TNIK: variants seen among roughly 807,000 people sequenced by gnomAD.
TNIK encodes TRAF2 and NCK-interacting protein kinase.
A neutral mutation model predicts 191.3 loss-of-function variants in TNIK; 49 were observed. The observed-to-expected ratio is 0.26, with a 90% CI of 0.20 to 0.32. TNIK has a LOEUF of 0.32. Among genes scored for constraint, TNIK ranks in the 10% least tolerant of loss-of-function variants. The probability of loss-of-function intolerance (pLI) is 1.00; values close to 1 mark genes in which losing one functional copy is unlikely to be tolerated. For missense variants in TNIK, 1,155 were observed against 1,702.3 expected, an observed-to-expected ratio of 0.68 and a Z score of 5.66; for synonymous variants, 594 against 600.9, an observed-to-expected ratio of 0.99 and a Z score of 0.17.
intron 3 of TNIK, among the ~76,000 whole-genome samples, chr3:171,221,633 T>C (rs947383899): frequency 6.6e-6 from 1 of 152,134 alleles, no homozygotes; most frequent in Non-Finnish European, 1.5e-5. Context: ...GATGACTCCG[T>C]AGCACAGTGC....
chr3:171,343,040 T>G (rs1711547911), intron 2 of TNIK, among the ~76,000 whole-genome samples: 1 of 152,168 alleles, frequency 6.6e-6, no homozygotes, highest in Admixed American at 6.6e-5. Context: ...CACATGGAAG[T>G]GTGAGTCGAT....
chr3:171,217,353 C>T lies in TNIK; in HGVS notation c.181-6112G>A, dbSNP rs577513393. On this transcript the variant is annotated intron_variant, in intron 3 of 32. Coordinates refer to ENST00000436636, the MANE Select transcript of TNIK (RefSeq NM_015028.4). ...ATGAATGGGTGCTAAGCATTGGGTA[C>T]AGATGGACATAAAGATGAGAACAAT... Among the ~76,000 whole-genome samples the T allele has an allele frequency of 2.0e-5, 3 of 152,184 alleles. No individual in the cohort carries two copies. The East Asian group carries it at 5.8e-4, about 29-fold the overall frequency.
chr3:171,258,064 C>G (rs1204794341), intron 2 of TNIK, among the ~76,000 whole-genome samples: 5 of 152,096 alleles, frequency 3.3e-5, no homozygotes, highest in African/African-American at 1.2e-4. Flanking sequence ...TTTTCCACCA[C>G]AGTGATGATG....
At chr3:171,192,480 C>A (rs749971015) in intron 5 of TNIK, among the ~76,000 whole-genome samples, 1 of 152,130 alleles carries the variant, frequency 6.6e-6, no homozygotes, top group African/African-American at 2.4e-5. Context: ...GGTATCATTT[C>A]GGAGAATATA....
At chr3:171,167,311 T>C in intron 9 of TNIK, 41 bp from the exon 10 acceptor site, 1 of 1,585,142 alleles carries the variant, frequency 6.3e-7, no homozygotes, top group South Asian at 1.1e-5. Context: ...AAAACGGCGA[T>C]CCAAAGAAAA....
rs115354369 is a variant in TNIK at position 171,414,195 on chromosome 3, A to G, written c.58-44510T>C. ...TTTATTAAGCCAGCATCGAAACTCA[A>G]GATTCCCCAGATAGGGTCTCACACA... On this transcript the variant is annotated intron_variant, in intron 1 of 32. Coordinates refer to ENST00000436636, the MANE Select transcript of TNIK (RefSeq NM_015028.4). Among the ~76,000 whole-genome samples, 189 of 152,344 alleles carry G rather than the reference A, an allele frequency of 1.2e-3. 4 individuals carry two copies. Among genetic ancestry groups the G allele is most frequent in the African/African-American group, 4.4e-3 (184 of 41,590 alleles).
chr3:171,266,759 CT>C (rs1226554252), intron 2 of TNIK, among the ~76,000 whole-genome samples: 1 of 152,204 alleles, frequency 6.6e-6, no homozygotes, highest in Admixed American at 6.5e-5. Context: ...CTTGAAAACA[CT>C]TCCTTCCTCT....
At chr3:171,400,381 A>G (rs11923305) in intron 1 of TNIK, among the ~76,000 whole-genome samples, 92,580 of 151,658 alleles carry the variant, frequency 0.61, 29,296 homozygotes, top group Non-Finnish European at 0.66. Flanking sequence ...CCGAGGCAGC[A>G]TAGTGAGACC....
intron 1 of TNIK, among the ~76,000 whole-genome samples, chr3:171,438,354 C>T (rs976775878): frequency 9.9e-5 from 15 of 152,222 alleles, no homozygotes; most frequent in African/African-American, 3.6e-4. Flanking sequence ...CCCAGAATCA[C>T]AATCCCTCCT....
chr3:171,174,018 A>G (rs56906405), intron 9 of TNIK, among the ~76,000 whole-genome samples: 19,665 of 152,114 alleles, frequency 0.13, 2,189 homozygotes, highest in African/African-American at 0.31. Context: ...TTGCACCACA[A>G]TGACCCTCTG....
At chr3:171,273,396 A>G (rs1749363910) in intron 2 of TNIK, among the ~76,000 whole-genome samples, 1 of 152,000 alleles carries the variant, frequency 6.6e-6, no homozygotes, top group African/African-American at 2.4e-5. Flanking sequence ...TCTTTTCCCA[A>G]AGTGGACAGT....
At chr3:171,267,387 A>G (rs1005815313) in intron 2 of TNIK, among the ~76,000 whole-genome samples, 1 of 152,226 alleles carries the variant, frequency 6.6e-6, no homozygotes, top group African/African-American at 2.4e-5. Flanking sequence ...ATGAAACAAG[A>G]TACAGCAAAG....
chr3:171,157,016 A>T (rs1439256132), intron 12 of TNIK, among the ~76,000 whole-genome samples: 1 of 152,242 alleles, frequency 6.6e-6, no homozygotes, highest in Non-Finnish European at 1.5e-5. Context: ...TACATCAGGG[A>T]ATAAAAGAGA....
intron 1 of TNIK, among the ~76,000 whole-genome samples, chr3:171,415,906 G>C (rs1722982265): frequency 7.0e-6 from 1 of 142,242 alleles, no homozygotes; most frequent in Admixed American, 7.4e-5. Flanking sequence ...ACTTGAACCT[G>C]GGAGGCAGAG....
chr3:171,414,509 A>G (rs1722804725), intron 1 of TNIK, among the ~76,000 whole-genome samples: 1 of 152,238 alleles, frequency 6.6e-6, no homozygotes, highest in African/African-American at 2.4e-5. Flanking sequence ...AAGCACGTTC[A>G]TACACATCCT....
intron 4 of TNIK, among the ~76,000 whole-genome samples, chr3:171,199,049 C>T (rs1739073827): frequency 6.6e-6 from 1 of 152,108 alleles, no homozygotes; most frequent in Non-Finnish European, 1.5e-5. Context: ...GGACAACATA[C>T]TTTCAAATAT....
intron 2 of TNIK, among the ~76,000 whole-genome samples, chr3:171,363,381 C>A (rs777077646): frequency 6.6e-6 from 1 of 152,184 alleles, no homozygotes; most frequent in Admixed American, 6.5e-5. Flanking sequence ...AATCTGATTA[C>A]GCACTTCTTA....
At chr3:171,234,620 T>G (rs1744046303) in intron 2 of TNIK, among the ~76,000 whole-genome samples, 2 of 152,242 alleles carry the variant, frequency 1.3e-5, no homozygotes, top group Admixed American at 1.3e-4. Context: ...GGGTTTCATT[T>G]TTCTTTGTTA....
intron 5 of TNIK, 25 bp downstream of exon 5, chr3:171,194,499 TG>T (rs1738432598): frequency 6.3e-7 from 1 of 1,596,908 alleles, no homozygotes; most frequent in African/African-American, 1.3e-5. Flanking sequence ...CTTTGGGAGG[TG>T]GGCCAGTCCC....
Sources: gnomAD v4.1 joint callset for allele counts (sites outside exome capture counted in the v4.1 genomes callset) on GRCh38, gnomAD v4.1.1 for gene constraint, MANE v1.5 for transcripts, NCBI Gene and HGNC (gene_info 2026-07-23, HGNC 2026-07-21) for gene names.